Variants in SLMAP observed in about 807,000 individuals in gnomAD.
The protein encoded by SLMAP is sarcolemmal membrane-associated protein.
SLMAP carries 44 observed loss-of-function variants against 128.8 expected under a neutral mutation model. That is an observed-to-expected ratio of 0.34 (90% CI 0.27 to 0.44). The LOEUF (loss-of-function observed/expected upper bound fraction) is 0.44. Among genes scored for constraint, SLMAP ranks in the 20% least tolerant of loss-of-function variants. The probability of loss-of-function intolerance (pLI) is 1.00; values close to 1 mark genes in which losing one functional copy is unlikely to be tolerated. For missense variants in SLMAP, 787 were observed against 985.3 expected, an observed-to-expected ratio of 0.80 and a Z score of 2.69; for synonymous variants, 327 against 348.8, an observed-to-expected ratio of 0.94 and a Z score of 0.70.
intron 15 of SLMAP, chr3:57,890,392 C>G (rs1486576758): frequency 3.7e-6 from 1 of 271,784 alleles, no homozygotes; most frequent in Non-Finnish European, 6.9e-6. Context: ...TCTGTCATTC[C>G]CAGCATTAAT....
chr3:57,781,236 A>G (rs1490142660), intron 2 of SLMAP, among the ~76,000 whole-genome samples: 2 of 151,980 alleles, frequency 1.3e-5, no homozygotes, highest in African/African-American at 4.8e-5. Context: ...GACTAAAAAT[A>G]TTAGATAAGA....
rs1428603168 is a variant in SLMAP, at chr3:57,929,892, G to T, written c.*2603G>T. ...ATAATGTATGTGAAGTACCATTCGAGTGGTGAATACGTTTTTATGAGAATG... is the reference window on the plus strand; with the variant it reads ...ATAATGTATGTGAAGTACCATTCGATTGGTGAATACGTTTTTATGAGAATG... On this transcript the variant is annotated 3_prime_UTR_variant, in exon 25 of 25. Coordinates refer to ENST00000671191, the MANE Select transcript of SLMAP (RefSeq NM_001377540.1). 2.0e-5 allele frequency among the ~76,000 whole-genome samples: 3 copies of T among 152,200 alleles called. No homozygotes were observed. Among genetic ancestry groups the T allele is most frequent in the African/African-American group, 7.2e-5 (3 of 41,464 alleles).
At position 57,837,761 on chromosome 3, in the gene SLMAP, A is replaced by G. The variant is rs73088367; in HGVS notation, c.347-3538A>G. 9.2e-3 allele frequency among the ~76,000 whole-genome samples: 1,401 copies of G among 152,280 alleles called. 37 individuals carry two copies. Among genetic ancestry groups the G allele is most frequent in the Non-Finnish European group, 9.3e-3 (634 of 68,014 alleles). On this transcript the variant is annotated intron_variant, in intron 3 of 24. Coordinates refer to ENST00000671191, the MANE Select transcript of SLMAP (RefSeq NM_001377540.1). Reference sequence around the variant, plus strand: ...TGCTAGCATTTTGGGAAATGCTGCTATGTGTAGTTGATTAATATAAGTATT... The same window carrying G: ...TGCTAGCATTTTGGGAAATGCTGCTGTGTGTAGTTGATTAATATAAGTATT...
intron 5 of SLMAP, 136 bp downstream of exon 5, chr3:57,847,369 TA>T: frequency 1.8e-6 from 1 of 568,370 alleles, no homozygotes; most frequent in Non-Finnish European, 3.1e-6. Context: ...GCTATATAGT[TA>T]TTATAATCTT....
intron 14 of SLMAP, among the ~76,000 whole-genome samples, chr3:57,880,060 A>G (rs1198716878): frequency 6.6e-6 from 1 of 151,822 alleles, no homozygotes; most frequent in Non-Finnish European, 1.5e-5. Context: ...GGCCTTAGGG[A>G]TTGGTGGGGT....
chr3:57,759,004 C>G (rs912577042), intron 2 of SLMAP, among the ~76,000 whole-genome samples: 11 of 152,098 alleles, frequency 7.2e-5, no homozygotes, highest in African/African-American at 2.7e-4. Flanking sequence ...TGAAAGAAAC[C>G]TGAGCCTCAA....
At chr3:57,793,158 G>A (rs2085912220) in intron 2 of SLMAP, among the ~76,000 whole-genome samples, 1 of 151,878 alleles carries the variant, frequency 6.6e-6, no homozygotes, top group Non-Finnish European at 1.5e-5. Flanking sequence ...ATCCTCTTGA[G>A]CTCAAGTGAT....
At chr3:57,877,380 T>C (rs2095627549) in intron 14 of SLMAP, among the ~76,000 whole-genome samples, 2 of 152,234 alleles carry the variant, frequency 1.3e-5, no homozygotes, top group Admixed American at 1.3e-4. Flanking sequence ...ACAGTCTCAG[T>C]ATTCTGATTA....
chr3:57,791,450 A>G (rs1160580921), intron 2 of SLMAP, among the ~76,000 whole-genome samples: 1 of 152,146 alleles, frequency 6.6e-6, no homozygotes, highest in Non-Finnish European at 1.5e-5. Flanking sequence ...ATTGTAAAGC[A>G]TGTATGTCAA....
In SLMAP at chr3:57,907,167, A is replaced by G. The variant is rs1452162624; in HGVS notation, c.1502-717A>G. On this transcript the variant is annotated intron_variant, in intron 17 of 24. Coordinates refer to ENST00000671191, the MANE Select transcript of SLMAP (RefSeq NM_001377540.1). ...CTCAGCCTCCCAAGTAGCTGGGACTACTGGCACCTGCCACCACGCCTGGCT... is the reference window on the plus strand; with the variant it reads ...CTCAGCCTCCCAAGTAGCTGGGACTGCTGGCACCTGCCACCACGCCTGGCT... 3.3e-5 allele frequency among the ~76,000 whole-genome samples: 5 copies of G among 152,158 alleles called. No individual in the cohort carries two copies. In the East Asian group the frequency reaches 7.7e-4, roughly 23 times the overall value.
In SLMAP at chr3:57,831,525, G is replaced by C; in HGVS notation, c.341G>C (p.Arg114Pro). 6.5e-7 allele frequency: 1 copy of C among 1,545,906 alleles called. No individual in the cohort carries two copies. Residue 114 changes from arginine to proline, a missense_variant, in exon 3 of 25, where the codon CGG becomes CCG. Physicochemically the swap from Arg to Pro is moderately radical, Grantham distance 103. Around this residue, in one of 2 missense-constraint regions of SLMAP, gnomAD observed 715 missense variants for 843.6 expected, o/e 0.85. Coordinates refer to ENST00000671191, the MANE Select transcript of SLMAP (RefSeq NM_001377540.1). ...QFGVDVTENT[R>P]KVTHGCIVST... ...GGAGTAGACGTGACAGAGAATACAC[G>C]GAAAGGTACGGGTATGGATCACTTT...
chr3:57,793,912 A>G (rs1052222369), intron 2 of SLMAP, among the ~76,000 whole-genome samples: 1 of 151,768 alleles, frequency 6.6e-6, no homozygotes, highest in Non-Finnish European at 1.5e-5. Context: ...AAAAAAAAAA[A>G]AAAATCCTGC....
intron 14 of SLMAP, among the ~76,000 whole-genome samples, chr3:57,872,828 C>T (rs1397668955): frequency 3.3e-5 from 5 of 152,154 alleles, no homozygotes; most frequent in South Asian, 2.1e-4. Context: ...ATAATGTCTG[C>T]GGTTTTTCCC....
intron 2 of SLMAP, among the ~76,000 whole-genome samples, chr3:57,817,497 A>T (rs1299068644): frequency 6.6e-6 from 1 of 152,164 alleles, no homozygotes; most frequent in African/African-American, 2.4e-5. Context: ...TAAAATATTT[A>T]TTTGGTTCCT....
chr3:57,757,723 G>C lies in SLMAP; in HGVS notation c.72G>C (p.Leu24=), dbSNP rs752516913. 1.4e-5 allele frequency: 22 copies of C among 1,614,146 alleles called. No individual in the cohort carries two copies. Among genetic ancestry groups the C allele is most frequent in the Non-Finnish European group, 1.8e-5 (21 of 1,180,024 alleles). The change falls in exon 2 of 25, where the codon CTG becomes CTC. Residue 24 remains leucine (L), a synonymous_variant. Transcript: ENST00000671191. ...CGTTTCAGGAGCGTCATGTCTACCT[G>C]GACGAGCCCATCAAAATCGGCCGCT... ...SHPFQERHVY[L]DEPIKIGRSV...
At chr3:57,868,354 G>A (rs745934270) in intron 13 of SLMAP, among the ~76,000 whole-genome samples, 1 of 151,962 alleles carries the variant, frequency 6.6e-6, no homozygotes, top group Non-Finnish European at 1.5e-5. Flanking sequence ...AGCAAGGGAG[G>A]ATTGTTTGAG....
intron 2 of SLMAP, among the ~76,000 whole-genome samples, chr3:57,818,708 TGATG>T (rs1165067778): frequency 2.0e-5 from 3 of 152,196 alleles, no homozygotes; most frequent in South Asian, 2.1e-4. Context: ...TGGATATAAG[TGATG>T]TTACCTTTGA....
intron 2 of SLMAP, among the ~76,000 whole-genome samples, chr3:57,829,216 AAC>A (rs1237218466): frequency 1.2e-4 from 18 of 152,120 alleles, no homozygotes; most frequent in Non-Finnish European, 2.2e-4. Flanking sequence ...TTTGTTTTTC[AAC>A]AGTGTTGTTA....
At position 57,928,162 on chromosome 3, in the gene SLMAP, G is replaced by C. The variant is rs908919006; in HGVS notation, c.*873G>C. ...CAATTTCAGTGCAGTCAACCAAAAT[G>C]TTGAGTCAATTGGAATGTAATTTAT... On this transcript the variant is annotated 3_prime_UTR_variant, in exon 25 of 25. Coordinates refer to ENST00000671191, the MANE Select transcript of SLMAP (RefSeq NM_001377540.1). The C allele has an allele frequency of 2.0e-5, 3 of 152,508 alleles. No individual in the cohort carries two copies. The highest frequency in any genetic ancestry group is 2.9e-5 in the Non-Finnish European group (2 of 68,022). 9.4% of individuals were successfully genotyped at this position (152,508 alleles called of 1,614,324 possible).
Sources: allele counts gnomAD v4.1 joint callset (sites outside exome capture counted in the v4.1 genomes callset), GRCh38; gene constraint gnomAD v4.1.1; regional missense constraint gnomAD v4.1.1; transcripts MANE v1.5; gene names NCBI Gene and HGNC (gene_info 2026-07-23, HGNC 2026-07-21).